CAMKMT: variants seen among roughly 807,000 people sequenced by gnomAD.
CAMKMT encodes the protein calmodulin-lysine N-methyltransferase.
CAMKMT carries 53 observed loss-of-function variants against 48.0 expected under a neutral mutation model. The observed-to-expected ratio is 1.10, with a 90% CI of 0.89 to 1.39. The LOEUF (loss-of-function observed/expected upper bound fraction) is 1.39. Among genes scored for constraint, CAMKMT ranks in the 40% most tolerant of loss-of-function variants. The pLI is 0.00. For synonymous variants in CAMKMT, 165 were observed against 152.3 expected (o/e 1.08, Z -0.61); for missense variants, 428 against 402.7 (o/e 1.06, Z -0.54).
At position 44,459,938 on chromosome 2, in the gene CAMKMT, A is replaced by G. The variant is rs148289161; in HGVS notation, c.376+69633A>G. ...ATCAATAAGCTTGGAGTGTGATTCT[A>G]TGCTAATGCAAGCCTGATGGATCAG... On this transcript the variant is annotated intron_variant, in intron 3 of 10. Coordinates refer to ENST00000378494, the MANE Select transcript of CAMKMT (RefSeq NM_024766.5). 3.3e-5 allele frequency among the ~76,000 whole-genome samples: 5 copies of G among 152,324 alleles called. 1 individual carries two copies. In the East Asian group the frequency reaches 9.6e-4, roughly 29 times the overall value.
intron 3 of CAMKMT, chr2:44,400,922 A>ACG (rs1558579831): frequency 3.1e-5 from 4 of 129,900 alleles, no homozygotes; most frequent in African/African-American, 1.1e-4. Flanking sequence ...ATGTATACTT[A>ACG]TGTGTGTGTA....
chr2:44,503,326 G>C (rs1174074654), intron 3 of CAMKMT, among the ~76,000 whole-genome samples: 1 of 152,074 alleles, frequency 6.6e-6, no homozygotes, highest in Admixed American at 6.6e-5. Flanking sequence ...GGGAAAGTAA[G>C]AGTAAAGAGG....
chr2:44,451,978 C>T (rs900787851), intron 3 of CAMKMT, among the ~76,000 whole-genome samples: 4 of 151,464 alleles, frequency 2.6e-5, no homozygotes, highest in African/African-American at 7.3e-5. Context: ...ATGCAAATAC[C>T]ATATAATATA....
chr2:44,560,152 T>G (rs999841616), intron 3 of CAMKMT, among the ~76,000 whole-genome samples: 3 of 152,216 alleles, frequency 2.0e-5, no homozygotes, highest in Non-Finnish European at 4.4e-5. Context: ...ACTGGGAGTT[T>G]CTGTTAGGAA....
chr2:44,537,390 A>G (rs566714122), intron 3 of CAMKMT, among the ~76,000 whole-genome samples: 22 of 152,216 alleles, frequency 1.4e-4, no homozygotes, highest in Non-Finnish European at 2.8e-4. Context: ...TAGAAGACAT[A>G]CAAATGGCCA....
At chr2:44,593,930 A>G (rs1670485108) in intron 3 of CAMKMT, among the ~76,000 whole-genome samples, 2 of 151,980 alleles carry the variant, frequency 1.3e-5, no homozygotes, top group South Asian at 4.2e-4. Flanking sequence ...CGCCTGGCTA[A>G]TTTGGTATTT....
At chr2:44,517,296 T>G (rs2104786658) in intron 3 of CAMKMT, among the ~76,000 whole-genome samples, 1 of 152,256 alleles carries the variant, frequency 6.6e-6, no homozygotes, top group East Asian at 1.9e-4. Context: ...AAACAATCTG[T>G]GTCTAGAAAG....
chr2:44,417,927 T>G (rs574026192), intron 3 of CAMKMT, among the ~76,000 whole-genome samples: 40 of 152,308 alleles, frequency 2.6e-4, no homozygotes, highest in African/African-American at 9.6e-4. Flanking sequence ...GCATTGTGGC[T>G]CATGCCTGTA....
At chr2:44,621,403 G>GT in intron 3 of CAMKMT, among the ~76,000 whole-genome samples, 1 of 151,934 alleles carries the variant, frequency 6.6e-6, no homozygotes, top group Non-Finnish European at 1.5e-5. Context: ...ATTGTGAAAA[G>GT]TAAGATACAA....
At chr2:44,392,428 A>G (rs1186716729) in intron 3 of CAMKMT, among the ~76,000 whole-genome samples, 1 of 152,124 alleles carries the variant, frequency 6.6e-6, no homozygotes, top group Non-Finnish European at 1.5e-5. Context: ...TATGACTTTT[A>G]TATAATCTTG....
At chr2:44,382,708 T>TG (rs1462849727) in intron 2 of CAMKMT, among the ~76,000 whole-genome samples, 2 of 152,032 alleles carry the variant, frequency 1.3e-5, no homozygotes, top group Admixed American at 6.5e-5. Context: ...CTCGATCTCC[T>TG]GACCTGGTGA....
chr2:44,728,934 G>T (rs1001791116), intron 7 of CAMKMT, among the ~76,000 whole-genome samples: 3 of 147,380 alleles, frequency 2.0e-5, no homozygotes, highest in Non-Finnish European at 4.5e-5. Flanking sequence ...TGGTTAGAAG[G>T]GTGTTTGCCT....
chr2:44,404,358 C>T (rs1464215267), intron 3 of CAMKMT, among the ~76,000 whole-genome samples: 1 of 152,030 alleles, frequency 6.6e-6, no homozygotes, highest in Admixed American at 6.6e-5. Flanking sequence ...CATATGTATG[C>T]ATTTTCCATT....
intron 8 of CAMKMT, among the ~76,000 whole-genome samples, chr2:44,752,507 T>C (rs1359053856): frequency 7.2e-5 from 11 of 152,156 alleles, no homozygotes. Flanking sequence ...CGGCACAATA[T>C]GCTTTCACCT....
intron 3 of CAMKMT, among the ~76,000 whole-genome samples, chr2:44,608,799 A>T (rs758436002): frequency 6.6e-6 from 1 of 152,162 alleles, no homozygotes; most frequent in Non-Finnish European, 1.5e-5. Flanking sequence ...TGAAGAAAAC[A>T]GGGTCATTTG....
At chr2:44,486,322 T>G (rs1669215130) in intron 3 of CAMKMT, among the ~76,000 whole-genome samples, 1 of 152,226 alleles carries the variant, frequency 6.6e-6, no homozygotes, top group Non-Finnish European at 1.5e-5. Flanking sequence ...TTTTTACTTT[T>G]CTGTATGTAC....
chr2:44,488,248 C>T (rs989079317), intron 3 of CAMKMT, among the ~76,000 whole-genome samples: 1 of 152,200 alleles, frequency 6.6e-6, no homozygotes, highest in African/African-American at 2.4e-5. Flanking sequence ...CCTGTAATCC[C>T]AGCCTTTTGG....
intron 1 of CAMKMT, among the ~76,000 whole-genome samples, chr2:44,367,992 G>C (rs960308557): frequency 6.6e-6 from 1 of 152,186 alleles, no homozygotes; most frequent in Admixed American, 6.5e-5. Flanking sequence ...AAACATTTCA[G>C]GTTAATAAAT....
At chr2:44,474,035 G>A (rs1668556257) in intron 3 of CAMKMT, among the ~76,000 whole-genome samples, 1 of 152,112 alleles carries the variant, frequency 6.6e-6, no homozygotes. Context: ...CAAAGGAGAA[G>A]GAATATAATC....
Sources: gnomAD v4.1 joint callset for allele counts (sites outside exome capture counted in the v4.1 genomes callset) on GRCh38, gnomAD v4.1.1 for gene constraint, MANE v1.5 for transcripts, NCBI Gene and HGNC (gene_info 2026-07-23, HGNC 2026-07-21) for gene names.